The following CCNY variants were observed in gnomAD, a reference collection of about 807,000 sequenced individuals.
CCNY encodes cyclin-Y.
Under a neutral mutation model 42.8 loss-of-function variants are expected in CCNY, and 19 were observed. The observed-to-expected ratio is 0.44, with a 90% CI of 0.31 to 0.65. CCNY has a LOEUF of 0.65. Among genes scored for constraint, CCNY ranks in the 30% least tolerant of loss-of-function variants. The pLI is 0.07. For synonymous variants in CCNY, 165 were observed against 162.7 expected (o/e 1.01, Z -0.11); for missense variants, 370 against 437.3 (o/e 0.85, Z 1.37).
intron 5 of CCNY, among the ~76,000 whole-genome samples, chr10:35,527,270 A>T (rs902244586): frequency 1.3e-5 from 2 of 152,228 alleles, no homozygotes; most frequent in African/African-American, 4.8e-5. Flanking sequence ...GCCTATTTCT[A>T]TACTAGTTCA....
intron 3 of CCNY, among the ~76,000 whole-genome samples, chr10:35,304,311 A>ATTTTTTTT (rs1233409039): frequency 2.1e-5 from 1 of 47,564 alleles, no homozygotes; most frequent in African/African-American, 1.6e-4. Context: ...TTTTTTTTTT[A>ATTTTTTTT]TTTTTTATTT....
chr10:35,510,779 TTTAA>T (rs1840310396), intron 3 of CCNY, among the ~76,000 whole-genome samples: 1 of 152,172 alleles, frequency 6.6e-6, no homozygotes, highest in Non-Finnish European at 1.5e-5. Flanking sequence ...GCTTATACAT[TTTAA>T]TTAATTACGA....
At chr10:35,257,976 C>A (rs1312116503) in intron 3 of CCNY, among the ~76,000 whole-genome samples, 2 of 152,112 alleles carry the variant, frequency 1.3e-5, no homozygotes, top group Non-Finnish European at 2.9e-5. Flanking sequence ...ACTGTCTTTT[C>A]TTTAACTTTA....
chr10:35,530,392 C>CT lies in CCNY; in HGVS notation c.579+150dup, dbSNP rs1373510641. 2 of 917,292 alleles carry CT rather than the reference C, an allele frequency of 2.2e-6. No homozygotes were observed. The highest frequency in any genetic ancestry group is 2.5e-5 in the Admixed American group (1 of 39,660). 56.8% of individuals were successfully genotyped at this position (917,292 alleles called of 1,614,324 possible). On this transcript the variant is annotated intron_variant, in intron 7 of 9. Transcript: ENST00000374704. This position sits in a 1 kb window ranked among gnomAD's most constrained non-coding sequence, Gnocchi z 4.3. ...CATAAGCTTCAGTGTTGTCGTTCTCCTGGGAGAATAGAGGATAGATATCCC... is the reference window on the plus strand; with the variant it reads ...CATAAGCTTCAGTGTTGTCGTTCTCCTTGGGAGAATAGAGGATAGATATCCC...
intron 1 of CCNY, among the ~76,000 whole-genome samples, chr10:35,417,614 T>C (rs1838054064): frequency 6.6e-6 from 1 of 152,208 alleles, no homozygotes; most frequent in Non-Finnish European, 1.5e-5. Flanking sequence ...TTTGTAGAGC[T>C]TTTGGTCGTG....
At chr10:35,531,304 G>A (rs959811879) in intron 7 of CCNY, among the ~76,000 whole-genome samples, 1 of 152,184 alleles carries the variant, frequency 6.6e-6, no homozygotes, top group African/African-American at 2.4e-5. Context: ...ACAGGCGACC[G>A]AAGGACTCTT....
At chr10:35,504,003 A>T (rs1197037282) in intron 3 of CCNY, among the ~76,000 whole-genome samples, 1 of 152,168 alleles carries the variant, frequency 6.6e-6, no homozygotes, top group Non-Finnish European at 1.5e-5. Flanking sequence ...TTAGTTTGTT[A>T]CTGAACTCTG....
At chr10:35,365,649 A>G (rs1169185635) in intron 1 of CCNY, among the ~76,000 whole-genome samples, 1 of 152,178 alleles carries the variant, frequency 6.6e-6, no homozygotes, top group African/African-American at 2.4e-5. Context: ...CCAGTTTAGT[A>G]TGGTATTAGG....
intron 7 of CCNY, among the ~76,000 whole-genome samples, chr10:35,548,217 T>G (rs1841158041): frequency 6.6e-6 from 1 of 150,610 alleles, no homozygotes; most frequent in African/African-American, 2.4e-5. Flanking sequence ...TACAATGAAG[T>G]AAGCCAGAGA....
intron 3 of CCNY, among the ~76,000 whole-genome samples, chr10:35,281,576 T>G (rs1430303566): frequency 6.6e-6 from 1 of 152,180 alleles, no homozygotes; most frequent in Non-Finnish European, 1.5e-5. Flanking sequence ...TGCTTGGGAT[T>G]ACAGGCGTGA....
At chr10:35,418,767 G>A (rs1309657675) in intron 1 of CCNY, among the ~76,000 whole-genome samples, 2 of 152,088 alleles carry the variant, frequency 1.3e-5, no homozygotes, top group Non-Finnish European at 2.9e-5. Flanking sequence ...TGTGAGGTGT[G>A]ATGTAGGCGG....
chr10:35,504,145 A>G (rs2135394107), intron 3 of CCNY, among the ~76,000 whole-genome samples: 1 of 152,350 alleles, frequency 6.6e-6, no homozygotes, highest in South Asian at 2.1e-4. Context: ...AAGTTAACCT[A>G]CAAAGAGGCT....
chr10:35,357,931 T>G (rs546522172), intron 1 of CCNY, among the ~76,000 whole-genome samples: 1 of 152,292 alleles, frequency 6.6e-6, no homozygotes, highest in East Asian at 1.9e-4. Flanking sequence ...TTATTTTTTT[T>G]TTGTTGCTTA....
intron 7 of CCNY, among the ~76,000 whole-genome samples, chr10:35,542,647 A>G (rs2135437504): frequency 6.6e-6 from 1 of 152,304 alleles, no homozygotes; most frequent in South Asian, 2.1e-4. Flanking sequence ...CCATTGCAGC[A>G]CGGCTGTCCG....
chr10:35,280,464 G>GAGGA (rs967045312), intron 3 of CCNY, among the ~76,000 whole-genome samples: 1 of 140,768 alleles, frequency 7.1e-6, no homozygotes, highest in Non-Finnish European at 1.5e-5. Context: ...GGAAAGAAGG[G>GAGGA]AGGAAGGAAG....
chr10:35,354,432 G>A (rs761812124), intron 1 of CCNY, among the ~76,000 whole-genome samples: 2 of 152,134 alleles, frequency 1.3e-5, no homozygotes, highest in African/African-American at 4.8e-5. Flanking sequence ...TGATCTGTCC[G>A]TCTTGGCGTC....
Position 35,567,988 on chromosome 10 carries a change from A to G in CCNY, c.910-1066A>G, listed in dbSNP as rs1271875546. Among the ~76,000 whole-genome samples, 5 of 152,364 alleles carry G rather than the reference A, an allele frequency of 3.3e-5. No individual in the cohort carries two copies. The East Asian group carries it at 5.8e-4, about 18-fold the overall frequency. ...GTGAGGTAGAATCTGGCTTTCCCTGAGAGCATGAGCCCCCTCTCAGCCTGT... is the reference window on the plus strand; with the variant it reads ...GTGAGGTAGAATCTGGCTTTCCCTGGGAGCATGAGCCCCCTCTCAGCCTGT... On this transcript the variant is annotated intron_variant, in intron 9 of 9. Transcript: ENST00000374704.
rs764248504 is a variant in CCNY at position 35,566,167 on chromosome 10, G to A, written c.891G>A (p.Glu297=). 76 of 1,613,896 alleles carry A rather than the reference G, an allele frequency of 4.7e-5. No individual in the cohort carries two copies. In the Admixed American group the frequency reaches 1.3e-3, roughly 27 times the overall value. ...LSFPLEPLSR[E]RAHKLEAISR... The stretch of plus-strand genomic sequence containing the variant: ...TTCCCTTGGAGCCCCTGAGCAGGGA[G>A]AGGGCTCACAAGCTTGAGGTAAGAT... Residue 297 remains glutamate (E), a synonymous_variant, in exon 9 of 10, where the codon GAG becomes GAA. Coordinates refer to ENST00000374704, the MANE Select transcript of CCNY (RefSeq NM_145012.6).
chr10:35,387,037 C>T (rs1043885300), intron 1 of CCNY, among the ~76,000 whole-genome samples: 17 of 152,144 alleles, frequency 1.1e-4, no homozygotes, highest in African/African-American at 4.1e-4. Context: ...TTTTATGCTC[C>T]CCCTGAGCTG....
Sources: gnomAD v4.1 joint callset for allele counts (sites outside exome capture counted in the v4.1 genomes callset) on GRCh38, gnomAD v4.1.1 for gene constraint, Gnocchi (gnomAD v3.1) non-coding constraint, MANE v1.5 for transcripts, NCBI Gene and HGNC (gene_info 2026-07-23, HGNC 2026-07-21) for gene names.